The following ORC3 variants were observed in gnomAD, a reference collection of about 807,000 sequenced individuals.
ORC3 encodes the protein origin recognition complex subunit 3.
ORC3 carries 78 observed loss-of-function variants against 100.7 expected under a neutral mutation model. The ratio of observed to expected loss-of-function variants is 0.77; its 90% CI spans 0.65 to 0.94. ORC3 has a LOEUF of 0.94. Ranked by LOEUF, ORC3 falls within the 40% of genes least tolerant of loss-of-function variation. ORC3 has a pLI of 0.00. For missense variants in ORC3, 789 were observed against 823.9 expected (o/e 0.96, Z 0.52); for synonymous variants, 295 against 289.3 (o/e 1.02, Z -0.20).
At chr6:87,604,650 T>C (rs374408525) in intron 4 of ORC3, among the ~76,000 whole-genome samples, 1 of 152,230 alleles carries the variant, frequency 6.6e-6, no homozygotes, top group East Asian at 1.9e-4. Context: ...ATAACGAATA[T>C]AATGTTATTA....
chr6:87,637,594 T>C (rs1296110522), intron 13 of ORC3, among the ~76,000 whole-genome samples: 1 of 152,238 alleles, frequency 6.6e-6, no homozygotes, highest in African/African-American at 2.4e-5. Context: ...CTATCTTATA[T>C]ACCCAGTTGA....
At chr6:87,623,729 C>A (rs1364669427) in intron 11 of ORC3, among the ~76,000 whole-genome samples, 1 of 151,952 alleles carries the variant, frequency 6.6e-6, no homozygotes, top group Non-Finnish European at 1.5e-5. Flanking sequence ...ACTAAAAATA[C>A]AAAAATTAGC....
intron 1 of ORC3, among the ~76,000 whole-genome samples, chr6:87,591,589 T>C (rs1776969733): frequency 6.6e-6 from 1 of 152,234 alleles, no homozygotes. Flanking sequence ...CTCTTATTTT[T>C]ATGTATCTTG....
intron 9 of ORC3, among the ~76,000 whole-genome samples, chr6:87,618,863 A>G (rs2128262217): frequency 6.6e-6 from 1 of 152,234 alleles, no homozygotes; most frequent in African/African-American, 2.4e-5. Flanking sequence ...GGAGGTTAGT[A>G]CCGTTTATTA....
chr6:87,643,987 A>G (rs945048929), intron 13 of ORC3, among the ~76,000 whole-genome samples: 5 of 151,002 alleles, frequency 3.3e-5, no homozygotes, highest in Middle Eastern at 3.5e-3. Flanking sequence ...CGTGTTCTAT[A>G]CGGTCTCTTC....
In ORC3 at chr6:87,605,989, A is replaced by G. The variant is rs747994639; in HGVS notation, c.395A>G (p.Tyr132Cys). 3 of 1,600,856 alleles carry G rather than the reference A, an allele frequency of 1.9e-6. No homozygotes were observed. The South Asian group carries it at 3.3e-5, about 18-fold the overall frequency. ...TEALQNNVTP[Y>C]VVSLQAKDCP... ...GCCCTTCAGAATAATGTCACACCAT[A>G]TGTAGTCTCATTGCAAGCTAAAGAT... Residue 132 changes from tyrosine to cysteine, a missense_variant, in exon 5 of 20, where the codon TAT becomes TGT. Coordinates refer to ENST00000392844, the MANE Select transcript of ORC3 (RefSeq NM_012381.4).
rs1363197754 is a variant in ORC3 at position 87,590,190 on chromosome 6, A to G, written c.22A>G (p.Lys8Glu). 3.1e-6 allele frequency: 5 copies of G among 1,613,978 alleles called. No homozygotes were observed. Among genetic ancestry groups the G allele is most frequent in the East Asian group, 2.2e-5 (1 of 44,878 alleles). MATSSMS[K>E]GCFVFKPNSK... is the part of the protein sequence containing the mutation. ...GACCATGGCTACGTCCTCGATGTCT[A>G]AGGTATGTGGTGGCCGATGCGCACT... The change falls in exon 1 of 20, where the codon AAG (lysine) becomes GAG (glutamate). Residue 8 changes from lysine (K) to glutamate (E), a missense_variant and splice_region_variant. Around this residue, in one of 3 missense-constraint regions of ORC3, gnomAD observed 399 missense variants for 382.0 expected, o/e 1.04. Coordinates refer to ENST00000392844, the MANE Select transcript of ORC3 (RefSeq NM_012381.4).
intron 16 of ORC3, among the ~76,000 whole-genome samples, chr6:87,659,947 CCA>C (rs1295652184): frequency 6.8e-6 from 1 of 147,980 alleles, no homozygotes; most frequent in Non-Finnish European, 1.5e-5. Context: ...TACATAGAAC[CCA>C]CAGAGTTAAC....
At chr6:87,647,783 C>T (rs1315416042) in intron 13 of ORC3, among the ~76,000 whole-genome samples, 1 of 152,202 alleles carries the variant, frequency 6.6e-6, no homozygotes, top group African/African-American at 2.4e-5. Flanking sequence ...AAATGCTTGT[C>T]TGATAGCTAG....
At chr6:87,634,801 T>G (rs1189860290) in intron 11 of ORC3, 44 bp from the exon 12 acceptor site, 1 of 955,950 alleles carries the variant, frequency 1.0e-6, no homozygotes, top group South Asian at 1.3e-5. Context: ...TATGCTCTTT[T>G]ATTAGCTGAC....
chr6:87,635,045 A>C, intron 12 of ORC3, 84 bp downstream of exon 12: 1 of 796,108 alleles, frequency 1.3e-6, no homozygotes, highest in East Asian at 2.4e-5. Context: ...TTCAGGCATC[A>C]GAATGTGAAA....
intron 9 of ORC3, among the ~76,000 whole-genome samples, chr6:87,618,089 A>G (rs1032468747): frequency 6.6e-6 from 1 of 152,222 alleles, no homozygotes; most frequent in Non-Finnish European, 1.5e-5. Context: ...ACCAAGCACT[A>G]TGCTGAACCC....
chr6:87,607,950 A>G, intron 6 of ORC3, 126 bp downstream of exon 6: 1 of 574,342 alleles, frequency 1.7e-6, no homozygotes, highest in Non-Finnish European at 2.9e-6. Context: ...TGTTAATTTA[A>G]AAGTAGGTAT....
intron 13 of ORC3, among the ~76,000 whole-genome samples, chr6:87,638,018 G>T (rs184481987): frequency 6.6e-6 from 1 of 152,288 alleles, no homozygotes; most frequent in African/African-American, 2.4e-5. Flanking sequence ...AGGGAACCAG[G>T]ATTCTACTCC....
chr6:87,659,189 G>A (rs183564231), intron 16 of ORC3, among the ~76,000 whole-genome samples: 1 of 150,034 alleles, frequency 6.7e-6, no homozygotes, highest in Admixed American at 6.7e-5. Context: ...TCAGCCTCCC[G>A]AGTAGCTGGG....
chr6:87,631,908 A>G (rs1767451412), intron 11 of ORC3, among the ~76,000 whole-genome samples: 1 of 152,134 alleles, frequency 6.6e-6, no homozygotes, highest in Non-Finnish European at 1.5e-5. Context: ...GCAGTGTCTA[A>G]TCCCGACACT....
chr6:87,636,640 C>T (rs182953427), intron 13 of ORC3, among the ~76,000 whole-genome samples, 154 bp downstream of exon 13: 80 of 152,290 alleles, frequency 5.3e-4, no homozygotes, highest in Non-Finnish European at 8.4e-4. Context: ...ATCCATGTAG[C>T]TTATGATGTT....
intron 9 of ORC3, among the ~76,000 whole-genome samples, chr6:87,617,795 G>C (rs1451620526): frequency 1.3e-5 from 2 of 152,036 alleles, no homozygotes; most frequent in African/African-American, 4.8e-5. Context: ...AACCTTTGGT[G>C]CAAAAATTCA....
chr6:87,601,766 ATTTC>A lies in ORC3; in HGVS notation c.80-12_80-9del, dbSNP rs1423031110. 8.6e-6 allele frequency: 12 copies of A among 1,398,090 alleles called. No homozygotes were observed. The highest frequency in any genetic ancestry group is 1.2e-5 in the South Asian group (1 of 85,882). The allele number at this position is 1,398,090 out of a possible 1,614,324, so 86.6% of individuals were successfully genotyped here. A position where few individuals can be genotyped will look rare whatever the true frequency, so the allele number is the denominator to read the frequency against. On this transcript the variant is annotated splice_polypyrimidine_tract_variant and intron_variant, in intron 2 of 19. Coordinates refer to ENST00000392844, the MANE Select transcript of ORC3 (RefSeq NM_012381.4). Reference sequence around the variant, plus strand: ...ATTATATGAAAAAAGAAACTGACTTATTTCTTTCTGTTTTTAGAGGACTATTTTA... The same window carrying A: ...ATTATATGAAAAAAGAAACTGACTTATTTCTGTTTTTAGAGGACTATTTTA...
Sources: gnomAD v4.1 joint callset for allele counts (sites outside exome capture counted in the v4.1 genomes callset) on GRCh38, gnomAD v4.1.1 for gene constraint, gnomAD v4.1.1 regional missense constraint, MANE v1.5 for transcripts, NCBI Gene and HGNC (gene_info 2026-07-23, HGNC 2026-07-21) for gene names.